Variants in FLNB observed in about 807,000 individuals in gnomAD.
The protein encoded by FLNB is filamin B.
In FLNB, 111 loss-of-function variants were observed where a neutral mutation model predicts 250.6. The ratio of observed to expected loss-of-function variants is 0.44; its 90% confidence interval spans 0.38 to 0.52. The LOEUF is 0.52. FLNB is among the 20% of genes least tolerant of loss of function. The probability of loss-of-function intolerance (pLI) is 0.00; values close to 1 mark genes in which losing one functional copy is unlikely to be tolerated. For missense variants in FLNB, 2,869 were observed against 3,447.8 expected (o/e 0.83, Z 4.20); for synonymous variants, 1,302 against 1,372.1 (o/e 0.95, Z 1.13).
intron 19 of FLNB, among the ~76,000 whole-genome samples, chr3:58,119,570 A>G (rs2097284921): frequency 6.6e-6 from 1 of 152,228 alleles, no homozygotes; most frequent in South Asian, 2.1e-4. Flanking sequence ...TTTAGTAGGG[A>G]AAATTTCAAA....
intron 7 of FLNB, 52 bp from the exon 8 acceptor site, chr3:58,098,659 T>G: frequency 1.0e-3 from 1,621 of 1,564,044 alleles, no homozygotes; most frequent in Non-Finnish European, 1.3e-3. Context: ...TCAGCAGCAG[T>G]GAGCTTTCAG....
At chr3:58,096,023 G>A (rs2097237901) in intron 5 of FLNB, 118 bp from the exon 6 acceptor site, 2 of 768,904 alleles carry the variant, frequency 2.6e-6, no homozygotes, top group Non-Finnish European at 4.6e-6. Context: ...AGGGACAGGA[G>A]CTCGCCAGCA....
intron 1 of FLNB, among the ~76,000 whole-genome samples, chr3:58,068,502 A>G (rs890464333): frequency 4.6e-5 from 7 of 152,030 alleles, no homozygotes; most frequent in South Asian, 2.1e-4. Flanking sequence ...GTCTGGGGAG[A>G]TGGGTTGCAT....
chr3:58,089,705 C>T (rs2097223078), intron 4 of FLNB, among the ~76,000 whole-genome samples: 2 of 152,058 alleles, frequency 1.3e-5, no homozygotes, highest in Admixed American at 6.5e-5. Flanking sequence ...TTGGAAATTG[C>T]AGTAACTGAA....
chr3:58,134,916 T>TGCAGAA, intron 27 of FLNB, 144 bp downstream of exon 27: 2 of 773,686 alleles, frequency 2.6e-6, no homozygotes, highest in South Asian at 1.7e-5. Flanking sequence ...TCAGTAAATG[T>TGCAGAA]GCAGAAGCAG....
chr3:58,100,373 A>AAAAAAAAAATATATATATATATAT, intron 8 of FLNB, among the ~76,000 whole-genome samples: 36 of 104,338 alleles, frequency 3.5e-4, no homozygotes, highest in South Asian at 1.4e-3. Flanking sequence ...GTAAAAAAAA[A>AAAAAAAAAATATATATATATATAT]ATATATATAT....
At chr3:58,076,465 C>G (rs12715520) in intron 1 of FLNB, among the ~76,000 whole-genome samples, 38,703 of 151,978 alleles carry the variant, frequency 0.25, 5,940 homozygotes, top group Middle Eastern at 0.4. Flanking sequence ...TGATTTCTTT[C>G]AATTTTTGAG....
chr3:58,097,192 T>C (rs2097240419), intron 6 of FLNB, among the ~76,000 whole-genome samples: 1 of 152,200 alleles, frequency 6.6e-6, no homozygotes, highest in African/African-American at 2.4e-5. Flanking sequence ...TGAATTCACC[T>C]GGAATGATGG....
chr3:58,098,024 G>C (rs1343749619), intron 7 of FLNB, 47 bp downstream of exon 7: 1 of 1,599,618 alleles, frequency 6.3e-7, no homozygotes, highest in East Asian at 2.2e-5. Context: ...CTTTCTTCCA[G>C]AGGCTGAAAT....
At chr3:58,071,276 T>C (rs1478031267) in intron 1 of FLNB, among the ~76,000 whole-genome samples, 1 of 34,926 alleles carries the variant, frequency 2.9e-5, no homozygotes. Flanking sequence ...CCTCGATTCT[T>C]TTTTTTTTTT....
At chr3:58,057,181 G>A (rs1397950756) in intron 1 of FLNB, among the ~76,000 whole-genome samples, 1 of 151,962 alleles carries the variant, frequency 6.6e-6, no homozygotes, top group Non-Finnish European at 1.5e-5. Flanking sequence ...TCACTGTGTT[G>A]CCCAGGCTGA....
chr3:58,146,706 C>T (rs1298084387), intron 33 of FLNB, 114 bp from the exon 34 acceptor site: 10 of 1,074,338 alleles, frequency 9.3e-6, no homozygotes, highest in Admixed American at 5.6e-5. Context: ...ACGTGGAGTG[C>T]GTCAATCCAT....
At chr3:58,073,574 ATT>A (rs71091339) in intron 1 of FLNB, among the ~76,000 whole-genome samples, 37,573 of 143,718 alleles carry the variant, frequency 0.26, 5,553 homozygotes, top group Middle Eastern at 0.42. Flanking sequence ...GAAGTTCTTA[ATT>A]TTTTTTTTTT....
At chr3:58,055,427 G>A (rs539005366) in intron 1 of FLNB, among the ~76,000 whole-genome samples, 1 of 152,342 alleles carries the variant, frequency 6.6e-6, no homozygotes, top group Admixed American at 6.5e-5. Flanking sequence ...CCATATTTGT[G>A]GAGAGACCCA....
chr3:58,098,942 C>T (rs1008028169), intron 8 of FLNB, 34 bp downstream of exon 8: 13 of 1,585,364 alleles, frequency 8.2e-6, no homozygotes, highest in Non-Finnish European at 1.0e-5. Flanking sequence ...ATGTGCTTCT[C>T]ATAGGGAAGC....
chr3:58,134,639 C>G lies in FLNB; in HGVS notation c.4538C>G (p.Pro1513Arg), dbSNP rs777883812. ...AGTCCCTTCAAGGTCAAGGTCCTTC[C>G]CACATATGATGCCAGCAAAGTGACT... The part of the protein sequence containing the change: ...PRSPFKVKVL[P>R]TYDASKVTAS... The change falls in exon 27 of 46, where the codon CCC (proline) becomes CGC (arginine). Residue 1513 changes from proline (P) to arginine (R), a missense_variant. Transcript: ENST00000295956. 1 of 1,614,068 alleles carries G rather than the reference C, an allele frequency of 6.2e-7. No homozygotes were observed. Among genetic ancestry groups the G allele is most frequent in the South Asian group, 1.1e-5 (1 of 91,076 alleles).
rs1173213094 is a variant in FLNB at position 58,112,328 on chromosome 3, T to C, written c.2745+10T>C. ...TACACCCACCCAACAGGTAGGGTCC[T>C]TCTCCCCTCTGCTCCCCTGGCCCCC... On this transcript the variant is annotated intron_variant, in intron 18 of 45. Coordinates refer to ENST00000295956, the MANE Select transcript of FLNB (RefSeq NM_001457.4). 4 of 1,612,348 alleles carry C rather than the reference T, an allele frequency of 2.5e-6. No individual in the cohort carries two copies. The highest frequency in any genetic ancestry group is 3.4e-6 in the Non-Finnish European group (4 of 1,179,448).
chr3:58,030,479 C>T (rs747061862), intron 1 of FLNB, among the ~76,000 whole-genome samples: 3 of 152,152 alleles, frequency 2.0e-5, no homozygotes, highest in Non-Finnish European at 2.9e-5. Flanking sequence ...GAGAACTCCA[C>T]TCTGACCAAT....
At chr3:58,044,271 G>T (rs2097150297) in intron 1 of FLNB, among the ~76,000 whole-genome samples, 1 of 152,094 alleles carries the variant, frequency 6.6e-6, no homozygotes, top group Non-Finnish European at 1.5e-5. Flanking sequence ...TCATTGTCTG[G>T]TTGGGAAGCA....
Sources: allele counts gnomAD v4.1 joint callset (sites outside exome capture counted in the v4.1 genomes callset), GRCh38; gene constraint gnomAD v4.1.1; transcripts MANE v1.5; gene names NCBI Gene and HGNC (gene_info 2026-07-23, HGNC 2026-07-21).